STAB2: variants seen among roughly 807,000 people sequenced by gnomAD.
STAB2 encodes stabilin-2.
In STAB2, 288 loss-of-function variants were observed where a neutral mutation model predicts 338.1. That is an observed-to-expected ratio of 0.85 (90% confidence interval 0.77 to 0.94). The LOEUF is 0.94. STAB2 is among the 40% of genes least tolerant of loss of function. STAB2 has a pLI of 0.00. For synonymous variants in STAB2, 1,202 were observed against 1,193.3 expected (o/e 1.01, Z -0.15); for missense variants, 3,141 against 3,210.1 (o/e 0.98, Z 0.52).
At chr12:103,689,117 G>A (rs146886677) in intron 28 of STAB2, among the ~76,000 whole-genome samples, 16 of 152,020 alleles carry the variant, frequency 1.1e-4, no homozygotes, top group African/African-American at 3.6e-4. Flanking sequence ...TTTTATTTCA[G>A]CCCTCTACTT....
intron 59 of STAB2, 47 bp downstream of exon 59, chr12:103,749,203 T>G (rs1427442654): frequency 6.5e-7 from 1 of 1,541,350 alleles, no homozygotes; most frequent in African/African-American, 1.4e-5. Flanking sequence ...GCCGTGGGCT[T>G]CGCTCCTCCT....
chr12:103,713,479 A>G (rs1004459151), intron 41 of STAB2, among the ~76,000 whole-genome samples, 164 bp from the exon 42 acceptor site: 8 of 152,244 alleles, frequency 5.3e-5, no homozygotes, highest in African/African-American at 1.9e-4. Context: ...AGGGCAAATC[A>G]CAGATGTTTT....
In STAB2 at chr12:103,591,006, G is replaced by A; in HGVS notation, c.191G>A (p.Gly64Asp). Residue 64 changes from glycine (G) to aspartate (D), a missense_variant, in exon 2 of 69, where the codon GGC becomes GAC. Coordinates refer to ENST00000388887, the MANE Select transcript of STAB2 (RefSeq NM_017564.10). Reference sequence around the variant, plus strand: ...GATGGTTACACCATGATTACCAGTGGCTCTGTAGGGGTTCGAGATTGCAGG... The same window carrying A: ...GATGGTTACACCATGATTACCAGTGACTCTGTAGGGGTTCGAGATTGCAGG... ...CPDGYTMITS[G>D]SVGVRDCRYT... 6.2e-7 allele frequency: 1 copy of A among 1,613,998 alleles called. No homozygotes were observed. Among genetic ancestry groups the A allele is most frequent in the Non-Finnish European group, 8.5e-7 (1 of 1,179,992 alleles).
rs367763983 is a variant in STAB2 at position 103,655,600 on chromosome 12, T to G, written c.1734+19T>G. 1 of 1,612,860 alleles carries G rather than the reference T, an allele frequency of 6.2e-7. No homozygotes were observed. The highest frequency in any genetic ancestry group is 8.5e-7 in the Non-Finnish European group (1 of 1,179,406). On this transcript the variant is annotated intron_variant, in intron 15 of 68. Coordinates refer to ENST00000388887, the MANE Select transcript of STAB2 (RefSeq NM_017564.10). ...TCCAGAGGTACCGTATTCTGCTTGC[T>G]CTGATGGCATCGTGTCAGCAGCACT...
chr12:103,705,651 G>GC lies in STAB2; in HGVS notation c.3921dup (p.Ile1308HisfsTer52). ...TCACAGGGTAATGAGAAGAGGAGATGCATCTATACCTCCTATTTCATGGGA... is the reference window on the plus strand; with the variant it reads ...TCACAGGGTAATGAGAAGAGGAGATGCCATCTATACCTCCTATTTCATGGGA... On this transcript the variant is annotated frameshift_variant, in exon 37 of 69. Coordinates refer to ENST00000388887, the MANE Select transcript of STAB2 (RefSeq NM_017564.10). LOFTEE classifies it high-confidence loss of function. 1 of 1,614,142 alleles carries GC rather than the reference G, an allele frequency of 6.2e-7. No homozygotes were observed. The highest frequency in any genetic ancestry group is 2.2e-5 in the East Asian group (1 of 44,880).
At chr12:103,692,391 G>T (rs1033419783) in intron 30 of STAB2, among the ~76,000 whole-genome samples, 12 of 126,398 alleles carry the variant, frequency 9.5e-5, no homozygotes, top group Admixed American at 4.0e-4. Context: ...ACAAATTGTG[G>T]GGGCAGGGGG....
In STAB2 at chr12:103,703,212, G is replaced by A. The variant is rs1879057866; in HGVS notation, c.3779G>A (p.Gly1260Asp). ...GCCACTGATAAGGGAGTGATCCATG[G>A]CTTGGGAAAAGTTCTGGAAATTCAG... ...NVATDKGVIH[G>D]LGKVLEIQKN... The change falls in exon 35 of 69, where the codon GGC (glycine) becomes GAC (aspartate). Residue 1260 changes from glycine (G) to aspartate (D), a missense_variant. Gly to Asp is a moderately conservative substitution (Grantham distance 94). Coordinates refer to ENST00000388887, the MANE Select transcript of STAB2 (RefSeq NM_017564.10). 1 of 1,614,038 alleles carries A rather than the reference G, an allele frequency of 6.2e-7. No homozygotes were observed. The highest frequency in any genetic ancestry group is 1.1e-5 in the South Asian group (1 of 91,078).
chr12:103,716,489 G>A (rs570408428), intron 43 of STAB2, among the ~76,000 whole-genome samples: 17 of 152,166 alleles, frequency 1.1e-4, no homozygotes, highest in Non-Finnish European at 2.1e-4. Flanking sequence ...GGCCAGACAG[G>A]AAATCACATA....
At position 103,648,836 on chromosome 12, in the gene STAB2, G is replaced by A. The variant is rs1160839682; in HGVS notation, c.1174+13G>A. 3.7e-6 allele frequency: 6 copies of A among 1,611,912 alleles called. No homozygotes were observed. The highest frequency in any genetic ancestry group is 2.2e-5 in the East Asian group (1 of 44,874). On this transcript the variant is annotated intron_variant, in intron 10 of 68. Transcript: ENST00000388887. Reference sequence around the variant, plus strand: ...ATCTCACTCCTAGGTACGCAGCTATGGGTACAGATTTCCACACAAAAGTCC... The same window carrying A: ...ATCTCACTCCTAGGTACGCAGCTATAGGTACAGATTTCCACACAAAAGTCC...
intron 25 of STAB2, among the ~76,000 whole-genome samples, chr12:103,681,442 G>A (rs1316789018): frequency 6.6e-6 from 1 of 152,034 alleles, no homozygotes; most frequent in Non-Finnish European, 1.5e-5. Flanking sequence ...CATCAGGGTT[G>A]TTTCCATCTG....
At chr12:103,665,751 A>G (rs1166489821) in intron 18 of STAB2, among the ~76,000 whole-genome samples, 2 of 152,092 alleles carry the variant, frequency 1.3e-5, no homozygotes, top group Non-Finnish European at 1.5e-5. Flanking sequence ...ACAGAGCCAG[A>G]TGGAGAAGGT....
intron 25 of STAB2, among the ~76,000 whole-genome samples, chr12:103,680,136 AC>A (rs1344170078): frequency 6.6e-6 from 1 of 152,214 alleles, no homozygotes; most frequent in Non-Finnish European, 1.5e-5. Context: ...AGGGAGAGGA[AC>A]GAGGAGTTAT....
At chr12:103,634,025 T>C (rs1261312744) in intron 6 of STAB2, among the ~76,000 whole-genome samples, 3 of 152,206 alleles carry the variant, frequency 2.0e-5, no homozygotes, top group Admixed American at 6.5e-5. Flanking sequence ...TTTATGGAAA[T>C]GCTATTTGTA....
At chr12:103,613,329 C>T (rs917133664) in intron 3 of STAB2, among the ~76,000 whole-genome samples, 4 of 152,214 alleles carry the variant, frequency 2.6e-5, no homozygotes, top group Non-Finnish European at 5.9e-5. Context: ...CTGCAGTGGG[C>T]TCCACCCAGT....
At chr12:103,632,609 G>A (rs944203500) in intron 6 of STAB2, among the ~76,000 whole-genome samples, 1 of 152,176 alleles carries the variant, frequency 6.6e-6, no homozygotes, top group African/African-American at 2.4e-5. Context: ...TAGTCGCTAG[G>A]TCCAGGCCAA....
At position 103,742,543 on chromosome 12, in the gene STAB2, C is replaced by T; in HGVS notation, c.6020C>T (p.Pro2007Leu). 2 of 1,614,156 alleles carry T rather than the reference C, an allele frequency of 1.2e-6. 1 individual carries two copies. ...ATGTGCTGGCCGGGGAGATTCGGGC[C>T]TGATTGTCTGCGTATGTGGCGCCGC... Reference protein sequence around the residue: ...CEMCWPGRFGPDCLPCGCSDH... With the variant: ...CEMCWPGRFGLDCLPCGCSDH... Residue 2007 changes from proline (P) to leucine (L), a missense_variant, in exon 56 of 69, where the codon CCT becomes CTT. By Grantham distance (98) the Pro-to-Leu change is moderately conservative. Transcript: ENST00000388887.
chr12:103,737,551 GAT>G, intron 52 of STAB2, 81 bp from the exon 53 acceptor site: 1 of 1,431,440 alleles, frequency 7.0e-7, no homozygotes, highest in Non-Finnish European at 9.3e-7. Context: ...GGAAAGAAGA[GAT>G]GTGTGAAAGA....
chr12:103,729,159 G>A (rs563986020), intron 48 of STAB2, among the ~76,000 whole-genome samples, 164 bp downstream of exon 48: 2 of 152,218 alleles, frequency 1.3e-5, no homozygotes, highest in South Asian at 2.1e-4. Context: ...GAGAATTCAC[G>A]GACACATAGA....
At position 103,694,203 on chromosome 12, in the gene STAB2, CCT is replaced by C. The variant is rs1307582190; in HGVS notation, c.3375+1315_3375+1316del. On this transcript the variant is annotated intron_variant, in intron 31 of 68. Transcript: ENST00000388887. The stretch of plus-strand genomic sequence containing the variant: ...CACTTCACTCCCCATGCTGTGCACC[CCT>C]GTTTGGGGTTGCAAACTCCTAGAGA... Among the ~76,000 whole-genome samples, 9 of 152,236 alleles carry C rather than the reference CCT, an allele frequency of 5.9e-5. No homozygotes were observed. The East Asian group carries it at 1.5e-3, about 26-fold the overall frequency.
Sources: allele counts gnomAD v4.1 joint callset (sites outside exome capture counted in the v4.1 genomes callset), GRCh38; gene constraint gnomAD v4.1.1; transcripts MANE v1.5; gene names NCBI Gene and HGNC (gene_info 2026-07-23, HGNC 2026-07-21).